NAA35: variants seen among roughly 807,000 people sequenced by gnomAD.
NAA35 encodes the protein N-alpha-acetyltransferase 35, NatC auxiliary subunit.
Under a neutral mutation model 101.7 loss-of-function variants are expected in NAA35, and 18 were observed. The ratio of observed to expected loss-of-function variants is 0.18; its 90% CI spans 0.12 to 0.26. The LOEUF is 0.26. Ranked by LOEUF, NAA35 falls within the 10% of genes least tolerant of loss-of-function variation. The pLI is 1.00. For synonymous variants in NAA35, 267 were observed against 273.1 expected, an observed-to-expected ratio of 0.98 and a Z score of 0.22; for missense variants, 601 against 886.8, an observed-to-expected ratio of 0.68 and a Z score of 4.09.
intron 11 of NAA35, among the ~76,000 whole-genome samples, chr9:85,981,264 G>A (rs2118096827): frequency 6.6e-6 from 1 of 151,948 alleles, no homozygotes; most frequent in East Asian, 1.9e-4. Flanking sequence ...TTACAGAGAG[G>A]GATAAAATGT....
chr9:85,951,319 A>G (rs1312671352), intron 2 of NAA35, among the ~76,000 whole-genome samples: 2 of 152,182 alleles, frequency 1.3e-5, no homozygotes, highest in African/African-American at 4.8e-5. Context: ...TGCTTCTGTA[A>G]TTCAGTCTGT....
intron 6 of NAA35, among the ~76,000 whole-genome samples, chr9:85,971,507 G>T (rs868370015): frequency 1.8e-4 from 28 of 152,188 alleles, no homozygotes; most frequent in Non-Finnish European, 3.1e-4. Flanking sequence ...CTCTAGTTCT[G>T]TGGCATTCAG....
rs1832073384 is a variant in NAA35 at position 86,013,870 on chromosome 9, G to A, written c.1541G>A (p.Ser514Asn). ...LLSGFELELY[S>N]MHEYYYIYWY... ...AGTGGCTTTGAATTGGAACTCTACA[G>A]TATGCACGAGTACTATTACATATAT... Residue 514 changes from serine (S) to asparagine (N), a missense_variant, in exon 17 of 23, where the codon AGT becomes AAT. By Grantham distance (46) the Ser-to-Asn change is conservative. Transcript: ENST00000361671. 3 of 1,613,304 alleles carry A rather than the reference G, an allele frequency of 1.9e-6. No homozygotes were observed. The highest frequency in any genetic ancestry group is 2.5e-6 in the Non-Finnish European group (3 of 1,179,522).
intron 2 of NAA35, among the ~76,000 whole-genome samples, chr9:85,945,743 T>G (rs1031560578): frequency 6.6e-6 from 1 of 152,068 alleles, no homozygotes; most frequent in Non-Finnish European, 1.5e-5. Flanking sequence ...ATGGTCTCGA[T>G]CTCCTGACCT....
chr9:85,950,759 T>A (rs1373802800), intron 2 of NAA35, among the ~76,000 whole-genome samples: 1 of 152,224 alleles, frequency 6.6e-6, no homozygotes, highest in African/African-American at 2.4e-5. Flanking sequence ...TTATACTTTT[T>A]AAAATTATAG....
At position 85,942,233 on chromosome 9, in the gene NAA35, G is replaced by A. The variant is rs1328236099; in HGVS notation, c.74G>A (p.Ser25Asn). Residue 25 changes from serine (S) to asparagine (N), a missense_variant, in exon 2 of 23, where the codon AGC (serine) becomes AAC (asparagine). By Grantham distance (46) the Ser-to-Asn change is conservative. Around this residue, in one of 8 missense-constraint regions of NAA35, gnomAD observed 67 missense variants for 62.4 expected, o/e 1.07. Coordinates refer to ENST00000361671, the MANE Select transcript of NAA35 (RefSeq NM_024635.4). ...ELSMPEKMEK[S>N]NTNWVDITQD... ...AGTATGCCAGAAAAAATGGAGAAAA[G>A]CAATACAAACTGGGTGGACATTACC... The A allele has an allele frequency of 1.9e-6, 3 of 1,614,016 alleles. No individual in the cohort carries two copies. Among genetic ancestry groups the A allele is most frequent in the East Asian group, 2.2e-5 (1 of 44,884 alleles).
intron 2 of NAA35, among the ~76,000 whole-genome samples, chr9:85,946,188 A>C (rs1222031804): frequency 6.6e-6 from 1 of 152,068 alleles, no homozygotes; most frequent in African/African-American, 2.4e-5. Context: ...CCCAGGCTGA[A>C]GTGCATACAA....
chr9:85,955,351 T>A, intron 2 of NAA35, among the ~76,000 whole-genome samples: 1 of 81,522 alleles, frequency 1.2e-5, no homozygotes, highest in East Asian at 2.7e-4. Context: ...TATATATATA[T>A]ATATATATAT....
intron 2 of NAA35, among the ~76,000 whole-genome samples, chr9:85,950,787 T>C (rs1587555468): frequency 6.6e-6 from 1 of 152,176 alleles, no homozygotes; most frequent in Admixed American, 6.6e-5. Flanking sequence ...ATGTATTACA[T>C]ATATATATGT....
chr9:86,007,246 T>G, intron 13 of NAA35, 112 bp from the exon 14 acceptor site: 1 of 690,818 alleles, frequency 1.4e-6, no homozygotes, highest in Non-Finnish European at 2.3e-6. Context: ...TTTCACAAAC[T>G]TTTTATATTT....
intron 21 of NAA35, among the ~76,000 whole-genome samples, chr9:86,020,455 T>C (rs1023351242): frequency 1.3e-5 from 2 of 152,174 alleles, no homozygotes; most frequent in Non-Finnish European, 2.9e-5. Flanking sequence ...TGAAGTTCTA[T>C]ATTATTAAAA....
Position 85,996,427 on chromosome 9 carries a change from C to G in NAA35, c.906C>G (p.Pro302=). 6.2e-7 allele frequency: 1 copy of G among 1,600,616 alleles called. No individual in the cohort carries two copies. Among genetic ancestry groups the G allele is most frequent in the Non-Finnish European group, 8.5e-7 (1 of 1,176,492 alleles). Residue 302 remains proline (P), a synonymous_variant, in exon 12 of 23, where the codon CCC becomes CCG. Coordinates refer to ENST00000361671, the MANE Select transcript of NAA35 (RefSeq NM_024635.4). ...GDHPIMMGFE[P]LVNQRLLPPT... ...ATCCAATTATGATGGGTTTTGAACC[C>G]CTTGTGAACCAGAGGCTACTTCCAC...
intron 6 of NAA35, among the ~76,000 whole-genome samples, chr9:85,964,493 C>CA (rs57751889): frequency 0.04 from 6,089 of 152,220 alleles, 389 homozygotes; most frequent in African/African-American, 0.14. Context: ...TTAATTGACC[C>CA]AATCCTTAGT....
rs1424412205 is a variant in NAA35, at chr9:86,021,881, G to A, written c.2119-20G>A. ...GAATATTTGTAGATACATTAATTGA[G>A]TTTCGTTTTTCTTTAACAGGTTCCT... On this transcript the variant is annotated intron_variant, in intron 22 of 22. Coordinates refer to ENST00000361671, the MANE Select transcript of NAA35 (RefSeq NM_024635.4). The A allele has an allele frequency of 6.3e-7, 1 of 1,593,932 alleles. No individual in the cohort carries two copies. Among genetic ancestry groups the A allele is most frequent in the Admixed American group, 1.7e-5 (1 of 59,706 alleles).
chr9:86,005,180 C>G (rs1227034278), intron 13 of NAA35, among the ~76,000 whole-genome samples: 1 of 151,668 alleles, frequency 6.6e-6, no homozygotes, highest in Non-Finnish European at 1.5e-5. Context: ...TAAGATTTAC[C>G]CTAAGAATCA....
rs751363325 is a variant in NAA35, at chr9:85,959,773, A to C, written c.274-20A>C. On this transcript the variant is annotated intron_variant, in intron 4 of 22. Transcript: ENST00000361671. ...TTAAAAAAATTTCTGCTTATATGTC[A>C]CATTCTTCCTCCTTTTTAGGATGGC... is the stretch of plus-strand genomic sequence containing the variant. 1.3e-6 allele frequency: 2 copies of C among 1,586,986 alleles called. No individual in the cohort carries two copies. The highest frequency in any genetic ancestry group is 1.7e-6 in the Non-Finnish European group (2 of 1,163,242).
At chr9:85,978,108 A>G (rs770793965) in intron 10 of NAA35, among the ~76,000 whole-genome samples, 159 bp from the exon 11 acceptor site, 29 of 152,272 alleles carry the variant, frequency 1.9e-4, no homozygotes, top group Non-Finnish European at 3.7e-4. Context: ...TTTCTATCCT[A>G]ACAGGATCTG....
chr9:85,974,013 G>A (rs1830110309), intron 6 of NAA35, among the ~76,000 whole-genome samples: 1 of 151,968 alleles, frequency 6.6e-6, no homozygotes, highest in Admixed American at 6.6e-5. Context: ...CTGGATTGCA[G>A]TGGCTCGATC....
In NAA35 at chr9:85,950,538, C is replaced by T. The variant is rs1353240758; in HGVS notation, c.125-5822C>T. Among the ~76,000 whole-genome samples, 7 of 152,226 alleles carry T rather than the reference C, an allele frequency of 4.6e-5. No homozygotes were observed. In the East Asian group the frequency reaches 1.4e-3, roughly 29 times the overall value. On this transcript the variant is annotated intron_variant, in intron 2 of 22. Coordinates refer to ENST00000361671, the MANE Select transcript of NAA35 (RefSeq NM_024635.4). ...GGATTACAGGTGTGAGCCACTGCGC[C>T]CCTGATTACTGAAGTTCTAAGGAAT...
Sources: allele counts gnomAD v4.1 joint callset (sites outside exome capture counted in the v4.1 genomes callset), GRCh38; gene constraint gnomAD v4.1.1; regional missense constraint gnomAD v4.1.1; transcripts MANE v1.5; gene names NCBI Gene and HGNC (gene_info 2026-07-23, HGNC 2026-07-21).